Variants in ABCC9 observed in about 807,000 individuals in gnomAD.
ABCC9 encodes ATP-binding cassette sub-family C member 9.
A neutral mutation model predicts 188.3 loss-of-function variants in ABCC9; 95 were observed. The observed-to-expected ratio is 0.50, with a 90% confidence interval of 0.43 to 0.60. The LOEUF (loss-of-function observed/expected upper bound fraction) is 0.60, where lower values mean the gene tolerates loss of function less well. Among genes scored for constraint, ABCC9 ranks in the 20% least tolerant of loss-of-function variants. The probability of loss-of-function intolerance (pLI) is 0.00; values close to 1 mark genes in which losing one functional copy is unlikely to be tolerated. For synonymous variants in ABCC9, 659 were observed against 652.7 expected, an observed-to-expected ratio of 1.01 and a Z score of -0.15; for missense variants, 1,102 against 1,876.3, an observed-to-expected ratio of 0.59 and a Z score of 7.62.
chr12:21,856,524 ATAAT>A (rs1335023228), intron 22 of ABCC9, among the ~76,000 whole-genome samples: 1 of 152,124 alleles, frequency 6.6e-6, no homozygotes, highest in Non-Finnish European at 1.5e-5. Flanking sequence ...TTTTTGATAC[ATAAT>A]TAAGACATTT....
At chr12:21,940,876 T>C (rs1425098370) in intron 1 of ABCC9, 51 bp from the exon 2 acceptor site, 2 of 152,174 alleles carry the variant, frequency 1.3e-5, no homozygotes, top group African/African-American at 4.8e-5. Context: ...AAACTACTTC[T>C]TGAACATACA....
intron 24 of ABCC9, among the ~76,000 whole-genome samples, chr12:21,850,864 G>C (rs1457234625): frequency 2.6e-5 from 4 of 151,966 alleles, no homozygotes; most frequent in Admixed American, 2.0e-4. Context: ...TACTGTTTTG[G>C]GGTTTGTTGT....
At chr12:21,850,431 A>G (rs1944903848) in intron 24 of ABCC9, among the ~76,000 whole-genome samples, 1 of 152,092 alleles carries the variant, frequency 6.6e-6, no homozygotes, top group Admixed American at 6.6e-5. Flanking sequence ...GATTCTGGGC[A>G]GGTGCGTGAT....
intron 31 of ABCC9, among the ~76,000 whole-genome samples, chr12:21,827,916 G>C (rs1943482169): frequency 6.6e-6 from 1 of 152,190 alleles, no homozygotes; most frequent in Non-Finnish European, 1.5e-5. Flanking sequence ...CAAGATTCTT[G>C]TTTAATCTGT....
chr12:21,934,029 C>A, intron 3 of ABCC9, 106 bp from the exon 4 acceptor site: 1 of 1,160,506 alleles, frequency 8.6e-7, no homozygotes. Flanking sequence ...GTGGGGGGGT[C>A]CTGAAACCTT....
chr12:21,923,479 A>G (rs1948918297), intron 5 of ABCC9: 1 of 193,648 alleles, frequency 5.2e-6, no homozygotes, highest in Non-Finnish European at 1.0e-5. Context: ...GGCAAAAGAT[A>G]TGAATAGCCA....
intron 12 of ABCC9, among the ~76,000 whole-genome samples, chr12:21,901,157 C>G (rs994480165): frequency 1.3e-5 from 2 of 152,178 alleles, no homozygotes; most frequent in African/African-American, 4.8e-5. Flanking sequence ...ATTTGACATT[C>G]TTAAAGTAGA....
chr12:21,818,882 A>G (rs905895451), intron 31 of ABCC9, among the ~76,000 whole-genome samples: 1 of 152,092 alleles, frequency 6.6e-6, no homozygotes, highest in African/African-American at 2.4e-5. Context: ...GCTCCAACCT[A>G]CTATTTGAAC....
chr12:21,849,446 A>T (rs1944851664), intron 24 of ABCC9, among the ~76,000 whole-genome samples: 1 of 152,188 alleles, frequency 6.6e-6, no homozygotes, highest in African/African-American at 2.4e-5. Context: ...AACATTTATA[A>T]ATGAAGCTAA....
intron 26 of ABCC9, among the ~76,000 whole-genome samples, chr12:21,845,188 T>G (rs1256727940): frequency 6.6e-6 from 1 of 152,132 alleles, no homozygotes; most frequent in Non-Finnish European, 1.5e-5. Flanking sequence ...GGGCATATTC[T>G]TGGCTTTCTA....
chr12:21,884,632 T>G (rs1444339423), intron 15 of ABCC9, among the ~76,000 whole-genome samples: 1 of 152,222 alleles, frequency 6.6e-6, no homozygotes, highest in Non-Finnish European at 1.5e-5. Flanking sequence ...TTCCATCAAC[T>G]GGTGTATCAA....
chr12:21,894,641 A>G (rs1158144087), intron 13 of ABCC9, among the ~76,000 whole-genome samples: 2 of 71,104 alleles, frequency 2.8e-5, no homozygotes, highest in Non-Finnish European at 6.2e-5. Context: ...ACACGGTATC[A>G]CTTCATTGCC....
At chr12:21,914,560 T>C (rs1331463311) in intron 7 of ABCC9, among the ~76,000 whole-genome samples, 1 of 152,126 alleles carries the variant, frequency 6.6e-6, no homozygotes, top group Non-Finnish European at 1.5e-5. Context: ...CCAAAGTGAT[T>C]ATTAGTTGGT....
intron 30 of ABCC9, among the ~76,000 whole-genome samples, chr12:21,829,281 A>C (rs1943584411): frequency 7.6e-6 from 1 of 131,708 alleles, no homozygotes; most frequent in African/African-American, 2.8e-5. Flanking sequence ...GGCTCACTGC[A>C]AGCTCCGCCT....
rs781262633 is a variant in ABCC9 at position 21,915,655 on chromosome 12, G to T, written c.816+13C>A. The T allele has an allele frequency of 6.2e-7, 1 of 1,611,142 alleles. No individual in the cohort carries two copies. The highest frequency in any genetic ancestry group is 8.5e-7 in the Non-Finnish European group (1 of 1,179,092). ...TCTGTAATTAAGCACATGGAAGACA[G>T]ACGCTAAATCACCTTTTGTTCTTCA... On this transcript the variant is annotated intron_variant, in intron 7 of 39. Transcript: ENST00000261200.
At chr12:21,887,391 T>A (rs779524344) in intron 15 of ABCC9, among the ~76,000 whole-genome samples, 1 of 152,144 alleles carries the variant, frequency 6.6e-6, no homozygotes. Flanking sequence ...AGAGACAATG[T>A]AATGTAATTC....
At chr12:21,859,300 C>T (rs554994601) in intron 22 of ABCC9, among the ~76,000 whole-genome samples, 1 of 152,194 alleles carries the variant, frequency 6.6e-6, no homozygotes, top group Non-Finnish European at 1.5e-5. Flanking sequence ...CTGCCTCGTT[C>T]ATCCAATACC....
intron 3 of ABCC9, 110 bp downstream of exon 3, chr12:21,936,423 A>G (rs776004840): frequency 1.1e-6 from 1 of 936,664 alleles, no homozygotes; most frequent in Non-Finnish European, 1.6e-6. Context: ...CGTTTCTCAC[A>G]GCCATCAGCT....
intron 5 of ABCC9, chr12:21,923,753 C>T (rs1053597462): frequency 1.5e-6 from 1 of 672,724 alleles, no homozygotes; most frequent in African/African-American, 1.8e-5. Flanking sequence ...TTGTATGACC[C>T]AGAGATTTCA....
Sources: gnomAD v4.1 joint callset for allele counts (sites outside exome capture counted in the v4.1 genomes callset) on GRCh38, gnomAD v4.1.1 for gene constraint, MANE v1.5 for transcripts, NCBI Gene and HGNC (gene_info 2026-07-23, HGNC 2026-07-21) for gene names.